Variants in GABBR2 observed in about 807,000 individuals in gnomAD.
GABBR2 encodes the protein G-protein coupled receptor 51.
A neutral mutation model predicts 105.6 loss-of-function variants in GABBR2; 23 were observed. That is an observed-to-expected ratio of 0.22 (90% CI 0.16 to 0.31). The LOEUF is 0.31. GABBR2 is among the 10% of genes least tolerant of loss of function. GABBR2 has a pLI of 1.00. For missense variants in GABBR2, 734 were observed against 1,245.5 expected, an observed-to-expected ratio of 0.59 and a Z score of 6.18; for synonymous variants, 478 against 499.7, an observed-to-expected ratio of 0.96 and a Z score of 0.58.
At chr9:98,603,003 C>T (rs999853871) in intron 1 of GABBR2, among the ~76,000 whole-genome samples, 8 of 151,964 alleles carry the variant, frequency 5.3e-5, no homozygotes, top group Non-Finnish European at 1.0e-4. Flanking sequence ...TAGGGAGGGC[C>T]GGCAGACACA....
At chr9:98,660,641 C>T (rs552644956) in intron 1 of GABBR2, among the ~76,000 whole-genome samples, 72 of 152,312 alleles carry the variant, frequency 4.7e-4, no homozygotes, top group South Asian at 1.7e-3. Flanking sequence ...AATCAGAAAT[C>T]CAAAATGAGT....
At chr9:98,515,004 G>A (rs1333297643) in intron 3 of GABBR2, among the ~76,000 whole-genome samples, 1 of 152,100 alleles carries the variant, frequency 6.6e-6, no homozygotes, top group Non-Finnish European at 1.5e-5. Flanking sequence ...GTTCCAGTGG[G>A]GGAGGCCACC....
At chr9:98,337,197 C>T (rs1262761678) in intron 13 of GABBR2, among the ~76,000 whole-genome samples, 1 of 152,104 alleles carries the variant, frequency 6.6e-6, no homozygotes, top group Non-Finnish European at 1.5e-5. Context: ...CTCAGCTACT[C>T]AGGAGGCCGA....
chr9:98,479,489 A>G (rs1826866576), intron 5 of GABBR2, among the ~76,000 whole-genome samples: 1 of 152,228 alleles, frequency 6.6e-6, no homozygotes, highest in Admixed American at 6.5e-5. Flanking sequence ...CCTCCATCCA[A>G]GATCCCCTGA....
At chr9:98,489,681 G>C (rs1827134438) in intron 4 of GABBR2, among the ~76,000 whole-genome samples, 1 of 152,018 alleles carries the variant, frequency 6.6e-6, no homozygotes, top group South Asian at 2.1e-4. Flanking sequence ...CAGCCCCCGA[G>C]AGAGCCCAAC....
intron 13 of GABBR2, 54 bp from the exon 14 acceptor site, chr9:98,311,259 A>G: frequency 6.3e-6 from 7 of 1,113,402 alleles, no homozygotes; most frequent in Middle Eastern, 2.1e-4. Context: ...TCTTCCAGCA[A>G]CTGGGTCCTT....
At chr9:98,370,341 T>C (rs985400773) in intron 12 of GABBR2, among the ~76,000 whole-genome samples, 3 of 152,060 alleles carry the variant, frequency 2.0e-5, no homozygotes, top group Non-Finnish European at 4.4e-5. Context: ...GAGAAAGTCC[T>C]AGTAATGAGG....
At chr9:98,352,976 T>C (rs1237503875) in intron 13 of GABBR2, among the ~76,000 whole-genome samples, 1 of 152,142 alleles carries the variant, frequency 6.6e-6, no homozygotes, top group East Asian at 1.9e-4. Flanking sequence ...GCTCTCAAAA[T>C]GGTGTCCTGA....
rs1220585384 is a variant in GABBR2, at chr9:98,447,188, A to G, written c.1236+6793T>C. 2.2e-5 allele frequency among the ~76,000 whole-genome samples: 3 copies of G among 138,810 alleles called. No individual in the cohort carries two copies. In the East Asian group the frequency reaches 6.7e-4, roughly 31 times the overall value. 91.1% of individuals were successfully genotyped at this position (138,810 alleles called of 152,430 possible). On this transcript the variant is annotated intron_variant, in intron 7 of 18. Coordinates refer to ENST00000259455, the MANE Select transcript of GABBR2 (RefSeq NM_005458.8). The stretch of plus-strand genomic sequence containing the variant: ...GCCATTCTCCTGCCTCAGCCTCCCA[A>G]GTAGCTGGGACTACAGGCGCCCGCC...
chr9:98,601,763 G>T (rs1391513535), intron 1 of GABBR2, among the ~76,000 whole-genome samples: 1 of 152,154 alleles, frequency 6.6e-6, no homozygotes, highest in African/African-American at 2.4e-5. Context: ...GCCAAGGGCT[G>T]GTCATTGTGA....
chr9:98,425,754 G>A (rs867786512), intron 7 of GABBR2, among the ~76,000 whole-genome samples: 2 of 152,148 alleles, frequency 1.3e-5, no homozygotes, highest in African/African-American at 4.8e-5. Context: ...GCTGGGATCC[G>A]AGCTCAGGTC....
In GABBR2 at chr9:98,433,611, A is replaced by G. The variant is rs575357020; in HGVS notation, c.1236+20370T>C. On this transcript the variant is annotated intron_variant, in intron 7 of 18. Transcript: ENST00000259455. ...CATTGAGGAGAAAGAAGACTGGGAC[A>G]TCATGTCCTCTAGGCCCAGAAAACT... Among the ~76,000 whole-genome samples, 48 of 152,340 alleles carry G rather than the reference A, an allele frequency of 3.2e-4. 1 individual carries two copies. The South Asian group carries it at 9.9e-3, about 32-fold the overall frequency.
chr9:98,513,396 A>G (rs1191159519), intron 3 of GABBR2, among the ~76,000 whole-genome samples: 1 of 152,202 alleles, frequency 6.6e-6, no homozygotes, highest in Non-Finnish European at 1.5e-5. Context: ...AAAAGCCAAA[A>G]TTGACAAATG....
Position 98,667,607 on chromosome 9 carries a change from C to T in GABBR2, c.321+40810G>A, listed in dbSNP as rs188507825. 3.9e-5 allele frequency among the ~76,000 whole-genome samples: 6 copies of T among 152,284 alleles called. No homozygotes were observed. The East Asian group carries it at 9.7e-4, about 25-fold the overall frequency. The stretch of plus-strand genomic sequence containing the variant: ...GCTCTCCCACCTTCAGGGCTCCCTG[C>T]GGCATCAGCTGAGGCCTCTGCTGCA... On this transcript the variant is annotated intron_variant, in intron 1 of 18. Transcript: ENST00000259455.
At chr9:98,680,814 T>TTC (rs1830535938) in intron 1 of GABBR2, among the ~76,000 whole-genome samples, 1 of 152,156 alleles carries the variant, frequency 6.6e-6, no homozygotes, top group South Asian at 2.1e-4. Flanking sequence ...ACCTATGGAA[T>TTC]AGAAGTTCAG....
chr9:98,441,275 T>C lies in GABBR2; in HGVS notation c.1236+12706A>G, dbSNP rs1826026206. Among the ~76,000 whole-genome samples, 3 of 149,096 alleles carry C rather than the reference T, an allele frequency of 2.0e-5. No individual in the cohort carries two copies. In the South Asian group the frequency reaches 6.4e-4, roughly 32 times the overall value. ...AATGTACAGCTAAATAAAATTGCTC[T>C]ATCATAATAAATAATAGCTAAATAA... On this transcript the variant is annotated intron_variant, in intron 7 of 18. Transcript: ENST00000259455.
At chr9:98,459,792 C>T (rs565686074) in intron 6 of GABBR2, among the ~76,000 whole-genome samples, 2 of 152,142 alleles carry the variant, frequency 1.3e-5, no homozygotes, top group Non-Finnish European at 2.9e-5. Context: ...CAGGGCAAAC[C>T]AAAATAGATT....
chr9:98,605,674 T>C (rs1360411467), intron 1 of GABBR2, among the ~76,000 whole-genome samples: 1 of 152,210 alleles, frequency 6.6e-6, no homozygotes, highest in Non-Finnish European at 1.5e-5. Flanking sequence ...CTGCGTGACA[T>C]AAGCAGACTA....
At chr9:98,458,671 C>T (rs955104921) in intron 6 of GABBR2, among the ~76,000 whole-genome samples, 7 of 152,220 alleles carry the variant, frequency 4.6e-5, no homozygotes, top group Non-Finnish European at 1.0e-4. Flanking sequence ...CATCATTGCA[C>T]TCCAGCCTGG....
Sources: gnomAD v4.1 joint callset for allele counts (sites outside exome capture counted in the v4.1 genomes callset) on GRCh38, gnomAD v4.1.1 for gene constraint, MANE v1.5 for transcripts, NCBI Gene and HGNC (gene_info 2026-07-23, HGNC 2026-07-21) for gene names.